The following AP4S1 variants were observed in gnomAD, a reference collection of about 807,000 sequenced individuals.
AP4S1 encodes the protein adaptor related protein complex 4 subunit sigma 1.
AP4S1 carries 23 observed loss-of-function variants against 19.8 expected under a neutral mutation model. The ratio of observed to expected loss-of-function variants is 1.16; its 90% CI spans 0.84 to 1.65. The LOEUF (loss-of-function observed/expected upper bound fraction) is 1.65. Ranked by LOEUF, AP4S1 falls within the 40% of genes most tolerant of loss-of-function variation. The probability of loss-of-function intolerance (pLI) is 0.00; values close to 1 mark genes in which losing one functional copy is unlikely to be tolerated. For synonymous variants in AP4S1, 46 were observed against 54.1 expected (o/e 0.85, Z 0.66); for missense variants, 166 against 172.8 (o/e 0.96, Z 0.22).
intron 1 of AP4S1, among the ~76,000 whole-genome samples, chr14:31,055,118 A>ATT (rs1231941591): frequency 6.7e-6 from 1 of 149,970 alleles, no homozygotes; most frequent in Non-Finnish European, 1.5e-5. Context: ...TATATATTAC[A>ATT]TTATATATAT....
chr14:31,026,236 G>T, intron 1 of AP4S1: 7 of 1,375,022 alleles, frequency 5.1e-6, no homozygotes, highest in South Asian at 5.0e-5. Context: ...ACAGCTGGGG[G>T]AAGGGCCGGA....
At chr14:31,027,607 A>T (rs1884097475) in intron 1 of AP4S1, among the ~76,000 whole-genome samples, 1 of 152,220 alleles carries the variant, frequency 6.6e-6, no homozygotes. Context: ...GGTTGCAGAG[A>T]GCCGAGATCG....
rs750440689 is a variant in AP4S1, at chr14:31,066,228, A to G, written c.32A>G (p.Gln11Arg). 1.2e-6 allele frequency: 2 copies of G among 1,614,072 alleles called. No homozygotes were observed. The highest frequency in any genetic ancestry group is 2.2e-5 in the South Asian group (2 of 91,078). ...AAATTTTTCCTCATGGTGAATAAAC[A>G]AGGGCAGACTCGACTTTCTAAGTAC... MIKFFLMVNK[Q>R]GQTRLSKYYE... The change falls in exon 2 of 6, where the codon CAA becomes CGA. Residue 11 changes from glutamine to arginine, a missense_variant. Transcript: ENST00000542754.
In AP4S1 at chr14:31,049,446, T is replaced by A. The variant is rs1346916112; in HGVS notation, c.-71-16680T>A. On this transcript the variant is annotated intron_variant, in intron 1 of 5. Coordinates refer to ENST00000542754, the MANE Select transcript of AP4S1 (RefSeq NM_001128126.3). ...AAAAAAAAATATATATATATATATA[T>A]ATATATATATATATATGTATATATA... 1.7e-3 allele frequency among the ~76,000 whole-genome samples: 127 copies of A among 75,428 alleles called. 2 individuals carry two copies. The highest frequency in any genetic ancestry group is 4.4e-3 in the African/African-American group (70 of 15,858). 49.5% of individuals were successfully genotyped at this position (75,428 alleles called of 152,430 possible). A position where few individuals can be genotyped will look rare whatever the true frequency, so the allele number is the denominator to read the frequency against.
At chr14:31,045,213 A>G (rs1345437699) in intron 1 of AP4S1, among the ~76,000 whole-genome samples, 1 of 152,078 alleles carries the variant, frequency 6.6e-6, no homozygotes. Flanking sequence ...GTTGTCTATA[A>G]TTTTTTAAAA....
chr14:31,059,957 A>ATG (rs1204236806), intron 1 of AP4S1, among the ~76,000 whole-genome samples: 1 of 144,792 alleles, frequency 6.9e-6, no homozygotes, highest in Non-Finnish European at 1.5e-5. Context: ...TTATTTATTT[A>ATG]TGTATATATA....
chr14:31,035,973 G>A lies in AP4S1; in HGVS notation c.-72+10186G>A, dbSNP rs183446809. Among the ~76,000 whole-genome samples, 62 of 152,062 alleles carry A rather than the reference G, an allele frequency of 4.1e-4. 1 individual carries two copies. The highest frequency in any genetic ancestry group is 6.8e-3 in the Middle Eastern group (2 of 294). On this transcript the variant is annotated intron_variant, in intron 1 of 5. Coordinates refer to ENST00000542754, the MANE Select transcript of AP4S1 (RefSeq NM_001128126.3). ...TCTCGATATCCTGACCTGGTGATCC[G>A]CCCGCCTTGGCCTCCCAAAGTGCTG...
intron 5 of AP4S1, among the ~76,000 whole-genome samples, chr14:31,083,098 G>A (rs1159628034): frequency 6.6e-6 from 1 of 152,060 alleles, no homozygotes; most frequent in Non-Finnish European, 1.5e-5. Context: ...TTGATGTGTC[G>A]TATATTTACT....
chr14:31,045,380 A>G (rs1885337587), intron 1 of AP4S1, among the ~76,000 whole-genome samples: 1 of 152,164 alleles, frequency 6.6e-6, no homozygotes, highest in Non-Finnish European at 1.5e-5. Context: ...GGTTGAAGTA[A>G]TTGAATCATG....
At chr14:31,065,585 G>A (rs1421594649) in intron 1 of AP4S1, among the ~76,000 whole-genome samples, 2 of 152,192 alleles carry the variant, frequency 1.3e-5, no homozygotes, top group Non-Finnish European at 2.9e-5. Context: ...CAGAAGTACT[G>A]CAGTTGCTCA....
At chr14:31,067,655 A>G (rs2139575734) in intron 2 of AP4S1, among the ~76,000 whole-genome samples, 1 of 151,472 alleles carries the variant, frequency 6.6e-6, no homozygotes, top group East Asian at 2.0e-4. Context: ...AGTAGCTGGG[A>G]TTACAGGCTC....
chr14:31,049,428 A>AAAAAAAAAATATAT (rs1384450221), intron 1 of AP4S1, among the ~76,000 whole-genome samples: 4 of 57,742 alleles, frequency 6.9e-5, no homozygotes, highest in Non-Finnish European at 2.9e-5. Flanking sequence ...AAAAAAAAAA[A>AAAAAAAAAATATAT]ATATATATAT....
At chr14:31,025,423 A>C (rs1266786511), upstream of AP4S1, 1 of 152,564 alleles carries the variant, frequency 6.6e-6, no homozygotes, top group African/African-American at 2.8e-5. Flanking sequence ...ACCAAGTCTG[A>C]GGGAGGGGGC....
chr14:31,038,457 C>T (rs1263646752), intron 1 of AP4S1, among the ~76,000 whole-genome samples: 2 of 152,174 alleles, frequency 1.3e-5, no homozygotes, highest in African/African-American at 4.8e-5. Flanking sequence ...GCAAAACATG[C>T]ATATTAGCCA....
At chr14:31,074,223 G>A (rs536228618) in intron 4 of AP4S1, among the ~76,000 whole-genome samples, 1 of 152,086 alleles carries the variant, frequency 6.6e-6, no homozygotes, top group Non-Finnish European at 1.5e-5. Context: ...CTCCTCGGAA[G>A]GCTGAGGCAG....
chr14:31,074,364 TA>T (rs869200403), intron 4 of AP4S1, among the ~76,000 whole-genome samples: 1 of 73,260 alleles, frequency 1.4e-5, no homozygotes, highest in Non-Finnish European at 3.4e-5. Flanking sequence ...AATAAATAAA[TA>T]AAGTAAGCTG....
intron 1 of AP4S1, chr14:31,026,091 G>T (rs1177145542): frequency 3.9e-6 from 6 of 1,528,718 alleles, no homozygotes; most frequent in Non-Finnish European, 5.3e-6. Flanking sequence ...GTTCCCCCCG[G>T]GCGAAAGGCC....
At chr14:31,069,031 A>C (rs1003147215) in intron 2 of AP4S1, among the ~76,000 whole-genome samples, 1 of 152,174 alleles carries the variant, frequency 6.6e-6, no homozygotes, top group East Asian at 1.9e-4. Flanking sequence ...AGGAATTTCC[A>C]TGGTCAAAAT....
intron 1 of AP4S1, among the ~76,000 whole-genome samples, chr14:31,057,467 G>A (rs998363378): frequency 2.6e-5 from 4 of 152,082 alleles, no homozygotes; most frequent in Admixed American, 1.3e-4. Context: ...CCAGAAATAC[G>A]CCATCAGAAA....
Sources: allele counts gnomAD v4.1 joint callset (sites outside exome capture counted in the v4.1 genomes callset), GRCh38; gene constraint gnomAD v4.1.1; transcripts MANE v1.5; gene names NCBI Gene and HGNC (gene_info 2026-07-23, HGNC 2026-07-21).